The following ZNF423 variants were observed in gnomAD, a reference collection of about 807,000 sequenced individuals.
ZNF423 encodes the protein zinc finger protein 423.
In ZNF423, 12 loss-of-function variants were observed where a neutral mutation model predicts 95.8. The ratio of observed to expected loss-of-function variants is 0.13; its 90% CI spans 0.08 to 0.20. The LOEUF is 0.20. ZNF423 is among the 10% of genes least tolerant of loss of function. The pLI is 1.00. For synonymous variants in ZNF423, 749 were observed against 711.9 expected, an observed-to-expected ratio of 1.05 and a Z score of -0.83; for missense variants, 1,316 against 1,737.1, an observed-to-expected ratio of 0.76 and a Z score of 4.31.
intron 1 of ZNF423, among the ~76,000 whole-genome samples, chr16:49,842,319 A>AGGCG (rs2035194936): frequency 2.2e-5 from 1 of 44,850 alleles, no homozygotes; most frequent in African/African-American, 8.3e-5. Flanking sequence ...GAGGGAAGGG[A>AGGCG]AGGGAAGGGA....
intron 3 of ZNF423, among the ~76,000 whole-genome samples, chr16:49,653,291 C>T (rs1485452518): frequency 7.4e-6 from 1 of 135,900 alleles, no homozygotes; most frequent in Non-Finnish European, 1.5e-5. Context: ...GCCTCATCTC[C>T]TTCCCTCCCC....
chr16:49,799,209 T>A (rs530471261), intron 1 of ZNF423, among the ~76,000 whole-genome samples: 13 of 151,880 alleles, frequency 8.6e-5, no homozygotes, highest in African/African-American at 3.1e-4. Context: ...TCGCAGGAGG[T>A]TGGAGAGGAC....
At chr16:49,527,153 C>T (rs573584719) in intron 5 of ZNF423, among the ~76,000 whole-genome samples, 36 of 152,182 alleles carry the variant, frequency 2.4e-4, no homozygotes, top group Non-Finnish European at 4.7e-4. Flanking sequence ...CCCCCGGGCA[C>T]CCCACCGCAG....
intron 3 of ZNF423, among the ~76,000 whole-genome samples, chr16:49,689,698 G>A (rs1005008615): frequency 2.6e-5 from 4 of 152,104 alleles, no homozygotes; most frequent in South Asian, 2.1e-4. Context: ...GGGCCCCAAA[G>A]GCATGGTACA....
intron 5 of ZNF423, among the ~76,000 whole-genome samples, chr16:49,606,897 C>T (rs1971553508): frequency 6.6e-6 from 1 of 152,068 alleles, no homozygotes; most frequent in Admixed American, 6.5e-5. Context: ...GCCATTGGAA[C>T]CAGAGCAGAG....
At chr16:49,797,927 A>G (rs1002169596) in intron 1 of ZNF423, among the ~76,000 whole-genome samples, 3 of 106,472 alleles carry the variant, frequency 2.8e-5, no homozygotes, top group Non-Finnish European at 4.3e-5. Flanking sequence ...CCGATTTTTT[A>G]GGCCAGGCAC....
chr16:49,587,982 T>A lies in ZNF423; in HGVS notation c.3601+38188A>T, dbSNP rs570526084. Among the ~76,000 whole-genome samples, 16 of 152,310 alleles carry A rather than the reference T, an allele frequency of 1.1e-4. No individual in the cohort carries two copies. In the East Asian group the frequency reaches 1.9e-3, roughly 18 times the overall value. On this transcript the variant is annotated intron_variant, in intron 5 of 7. Coordinates refer to ENST00000563137, the MANE Select transcript of ZNF423 (RefSeq NM_001379286.1). The stretch of plus-strand genomic sequence containing the variant: ...AGGCAATCACTTCCTAACCCATTCA[T>A]ACTACTTAGGAATTTGCACATCTAT...
intron 2 of ZNF423, among the ~76,000 whole-genome samples, chr16:49,759,360 C>T (rs1431451714): frequency 6.6e-6 from 1 of 151,704 alleles, no homozygotes; most frequent in Non-Finnish European, 1.5e-5. Context: ...GATCGAGCCA[C>T]TGCACTCCAG....
rs547019520 is a variant in ZNF423, at chr16:49,512,100, C to T, written c.3849+11524G>A. 2.0e-5 allele frequency among the ~76,000 whole-genome samples: 3 copies of T among 152,264 alleles called. No homozygotes were observed. In the East Asian group the frequency reaches 5.8e-4, roughly 29 times the overall value. ...ATTCCACAAACACATAACAAAAATT[C>T]TGTTTGTCCTTATTAGCTTACTTTC... On this transcript the variant is annotated intron_variant, in intron 7 of 7. Coordinates refer to ENST00000563137, the MANE Select transcript of ZNF423 (RefSeq NM_001379286.1).
At chr16:49,735,117 C>T (rs1305235374) in intron 2 of ZNF423, among the ~76,000 whole-genome samples, 1 of 152,124 alleles carries the variant, frequency 6.6e-6, no homozygotes. Flanking sequence ...TGGTCACAGC[C>T]CCTAAGGTTC....
intron 2 of ZNF423, among the ~76,000 whole-genome samples, chr16:49,737,538 G>A (rs951476778): frequency 6.6e-6 from 1 of 152,218 alleles, no homozygotes; most frequent in African/African-American, 2.4e-5. Context: ...GGGAATACAG[G>A]TGTGAGCCAC....
intron 3 of ZNF423, among the ~76,000 whole-genome samples, chr16:49,725,297 G>A (rs527478359): frequency 5.3e-5 from 8 of 152,206 alleles, no homozygotes; most frequent in East Asian, 3.9e-4. Flanking sequence ...CGGGAGGATC[G>A]CTTGAGCACA....
At chr16:49,814,899 T>C (rs996171306) in intron 1 of ZNF423, among the ~76,000 whole-genome samples, 2 of 151,910 alleles carry the variant, frequency 1.3e-5, no homozygotes, top group East Asian at 3.9e-4. Flanking sequence ...CAGGAGGCGG[T>C]CAGGTCTCTT....
intron 5 of ZNF423, among the ~76,000 whole-genome samples, chr16:49,579,316 G>A (rs1261135778): frequency 6.6e-6 from 1 of 151,244 alleles, no homozygotes; most frequent in East Asian, 2.0e-4. Context: ...ATCTCCATGG[G>A]GCAGGACCCC....
intron 5 of ZNF423, among the ~76,000 whole-genome samples, chr16:49,535,359 C>A (rs868747817): frequency 6.6e-6 from 1 of 152,212 alleles, no homozygotes; most frequent in Non-Finnish European, 1.5e-5. Context: ...ATCCACCTCC[C>A]GCCTCTCTGA....
At chr16:49,660,615 C>T (rs952455904) in intron 3 of ZNF423, among the ~76,000 whole-genome samples, 7 of 152,178 alleles carry the variant, frequency 4.6e-5, no homozygotes, top group South Asian at 2.1e-4. Context: ...CTCGGGCCCC[C>T]TCTCATTATG....
chr16:49,532,552 G>A (rs939626548), intron 5 of ZNF423, among the ~76,000 whole-genome samples: 1 of 152,298 alleles, frequency 6.6e-6, no homozygotes, highest in East Asian at 1.9e-4. Context: ...CGGGCCCCAC[G>A]GGGGACCCAG....
rs144975830 is a variant in ZNF423, at chr16:49,600,741, G to C, written c.3601+25429C>G. 6.0e-3 allele frequency among the ~76,000 whole-genome samples: 916 copies of C among 152,292 alleles called. 11 individuals are homozygous for C. The highest frequency in any genetic ancestry group is 0.02 in the African/African-American group (847 of 41,552). ...TCTGCCCACACTGCGCCATTAGCTC[G>C]TAATGGCCCCGAAGGCTCCCTCGGC... On this transcript the variant is annotated intron_variant, in intron 5 of 7. Transcript: ENST00000563137.
chr16:49,815,911 TATA>T (rs1382861030), intron 1 of ZNF423, among the ~76,000 whole-genome samples: 65 of 41,212 alleles, frequency 1.6e-3, no homozygotes, highest in South Asian at 2.6e-3. Flanking sequence ...TATATATATA[TATA>T]TTTTTTTTTT....
Sources: allele counts gnomAD v4.1 joint callset (sites outside exome capture counted in the v4.1 genomes callset), GRCh38; gene constraint gnomAD v4.1.1; transcripts MANE v1.5; gene names NCBI Gene and HGNC (gene_info 2026-07-23, HGNC 2026-07-21).